The following LAIR1 variants were observed in gnomAD, a reference collection of about 807,000 sequenced individuals.
The protein encoded by LAIR1 is leukocyte associated immunoglobulin like receptor 1.
In LAIR1, 24 loss-of-function variants were observed where a neutral mutation model predicts 32.8. The observed-to-expected ratio is 0.73, with a 90% CI of 0.53 to 1.03. The LOEUF is 1.03. Ranked by LOEUF, LAIR1 falls within the 50% of genes least tolerant of loss-of-function variation. The pLI is 0.00. For synonymous variants in LAIR1, 150 were observed against 140.5 expected (o/e 1.07, Z -0.48); for missense variants, 355 against 347.5 (o/e 1.02, Z -0.17).
intron 2 of LAIR1, among the ~76,000 whole-genome samples, chr19:54,363,874 G>T (rs1272985085): frequency 1.3e-5 from 2 of 152,198 alleles, no homozygotes; most frequent in East Asian, 1.9e-4. Context: ...CAGATCTATG[G>T]CACAGCAGAA....
intron 4 of LAIR1, chr19:54,358,402 AT>A (rs1271482330): frequency 3.7e-5 from 8 of 215,952 alleles, no homozygotes; most frequent in East Asian, 1.5e-4. Flanking sequence ...TATATAATAT[AT>A]ATATATATTA....
chr19:54,373,930 C>A (rs777105649), upstream of LAIR1, among the ~76,000 whole-genome samples: 1 of 152,190 alleles, frequency 6.6e-6, no homozygotes, highest in Non-Finnish European at 1.5e-5. Flanking sequence ...TGTGCACTTG[C>A]AAAATTTGCT....
rs1039113809 is a variant in LAIR1 at position 54,355,692 on chromosome 19, C to T, written c.717+262G>A. On this transcript the variant is annotated intron_variant, in intron 9 of 9. Transcript: ENST00000391742. The surrounding 1 kb of genome is among the most constrained non-coding windows in gnomAD (Gnocchi z 4.7). ...TTGGATCCCTCCCTCTGGGGGAAGC[C>T]GGCTGTGTGGAGAGGCCCCTGTGAG... is the stretch of plus-strand genomic sequence containing the variant. Among the ~76,000 whole-genome samples the T allele has an allele frequency of 1.3e-5, 2 of 152,188 alleles. No individual in the cohort carries two copies. The highest frequency in any genetic ancestry group is 1.3e-4 in the Admixed American group (2 of 15,280).
At chr19:54,366,421 T>C (rs926269028), upstream of LAIR1, among the ~76,000 whole-genome samples, 4 of 152,202 alleles carry the variant, frequency 2.6e-5, no homozygotes, top group Non-Finnish European at 4.4e-5. Context: ...TGTTACGCCT[T>C]AGCAAACAAC....
chr19:54,367,974 T>G (rs1185029095), upstream of LAIR1, among the ~76,000 whole-genome samples: 3 of 150,950 alleles, frequency 2.0e-5, no homozygotes, highest in Admixed American at 6.6e-5. Context: ...GGGTTTCACC[T>G]TGTTAGCCAG....
At chr19:54,366,722 T>G (rs1024584359), upstream of LAIR1, among the ~76,000 whole-genome samples, 2 of 152,068 alleles carry the variant, frequency 1.3e-5, no homozygotes, top group African/African-American at 4.8e-5. Context: ...TCTCCTGACC[T>G]CGTGATCCAC....
intron 2 of LAIR1, among the ~76,000 whole-genome samples, chr19:54,362,371 A>G (rs1199033718): frequency 6.6e-6 from 1 of 152,130 alleles, no homozygotes; most frequent in Non-Finnish European, 1.5e-5. Context: ...CAATCTGTTT[A>G]AAGACGTTTT....
In LAIR1 at chr19:54,364,450, C is replaced by T. The variant is rs879830036; in HGVS notation, c.35-120G>A. Reference sequence around the variant, plus strand: ...AGCATTTCATAACGACCAAGCCAACCCTCCTCGACATCACTGTCTCCATGT... The same window carrying T: ...AGCATTTCATAACGACCAAGCCAACTCTCCTCGACATCACTGTCTCCATGT... On this transcript the variant is annotated intron_variant, in intron 1 of 9. Coordinates refer to ENST00000391742, the MANE Select transcript of LAIR1 (RefSeq NM_002287.6). This position sits in a 1 kb window ranked among gnomAD's most constrained non-coding sequence, Gnocchi z 4.8. The T allele has an allele frequency of 1.0e-6, 1 of 982,070 alleles. No homozygotes were observed. Among genetic ancestry groups the T allele is most frequent in the Non-Finnish European group, 1.6e-6 (1 of 621,574 alleles). The allele number at this position is 982,070 out of a possible 1,614,324, so 60.8% of individuals were successfully genotyped here. A position where few individuals can be genotyped will look rare whatever the true frequency, so the allele number is the denominator to read the frequency against.
upstream of LAIR1, among the ~76,000 whole-genome samples, chr19:54,366,046 C>T (rs1406075027): frequency 2.6e-5 from 4 of 152,218 alleles, no homozygotes; most frequent in Admixed American, 2.0e-4. Context: ...CATGATGTCA[C>T]TTACAGGAGA....
intron 1 of LAIR1, among the ~76,000 whole-genome samples, chr19:54,369,951 G>A (rs2122649987): frequency 6.7e-6 from 1 of 149,538 alleles, no homozygotes; most frequent in East Asian, 1.9e-4. Flanking sequence ...GGGAACTCAA[G>A]CTAAACCCCG....
At position 54,364,836 on chromosome 19, in the gene LAIR1, A is replaced by G; in HGVS notation, c.-32T>C. On this transcript the variant is annotated 5_prime_UTR_variant, in exon 1 of 10. Coordinates refer to ENST00000391742, the MANE Select transcript of LAIR1 (RefSeq NM_002287.6). The surrounding 1 kb of genome is among the most constrained non-coding windows in gnomAD (Gnocchi z 4.8). ...GGTCCCAGCAGTGCAGCCTGGCCTG[A>G]GGCGCACCAATGCAAGGACAGAACT... is the stretch of plus-strand genomic sequence containing the variant. 1 of 1,614,042 alleles carries G rather than the reference A, an allele frequency of 6.2e-7. No individual in the cohort carries two copies. The highest frequency in any genetic ancestry group is 8.5e-7 in the Non-Finnish European group (1 of 1,179,952).
At chr19:54,369,626 C>T (rs1363226434), upstream of LAIR1, among the ~76,000 whole-genome samples, 1 of 151,516 alleles carries the variant, frequency 6.6e-6, no homozygotes, top group Non-Finnish European at 1.5e-5. Flanking sequence ...CAGCATGGCA[C>T]AGCTCCCTCA....
chr19:54,366,482 G>A (rs1382367453), upstream of LAIR1, among the ~76,000 whole-genome samples: 3 of 152,016 alleles, frequency 2.0e-5, no homozygotes, highest in Admixed American at 6.6e-5. Flanking sequence ...GGTGTCTGGC[G>A]GAAGAAATTT....
upstream of LAIR1, among the ~76,000 whole-genome samples, chr19:54,365,803 A>T (rs1248813657): frequency 1.3e-5 from 2 of 151,752 alleles, no homozygotes; most frequent in Non-Finnish European, 2.9e-5. Context: ...AAAAATCAGT[A>T]TGTCAAAGAG....
At chr19:54,362,633 C>G (rs2082080695) in intron 2 of LAIR1, among the ~76,000 whole-genome samples, 1 of 152,160 alleles carries the variant, frequency 6.6e-6, no homozygotes, top group African/African-American at 2.4e-5. Context: ...TACAGGTGCA[C>G]TCCACCACGC....
At chr19:54,374,688 G>A (rs908803933), upstream of LAIR1, among the ~76,000 whole-genome samples, 9 of 152,130 alleles carry the variant, frequency 5.9e-5, no homozygotes, top group Non-Finnish European at 1.2e-4. Flanking sequence ...ATCAGGCCCA[G>A]AAGGCTCCCA....
upstream of LAIR1, among the ~76,000 whole-genome samples, chr19:54,371,529 C>T (rs984873630): frequency 1.3e-5 from 2 of 151,390 alleles, no homozygotes; most frequent in African/African-American, 2.5e-5. Context: ...GAACTCCTGC[C>T]CTCAGGTGAT....
At chr19:54,362,670 A>G (rs932684601) in intron 2 of LAIR1, among the ~76,000 whole-genome samples, 2 of 152,346 alleles carry the variant, frequency 1.3e-5, no homozygotes, top group South Asian at 4.1e-4. Flanking sequence ...TTTTTAGTAG[A>G]GACGGGGTTT....
upstream of LAIR1, among the ~76,000 whole-genome samples, chr19:54,367,482 G>A (rs922856318): frequency 6.6e-6 from 1 of 152,084 alleles, no homozygotes; most frequent in African/African-American, 2.4e-5. Context: ...AATGGCTCAC[G>A]CCTGTAATCT....
Sources: gnomAD v4.1 joint callset for allele counts (sites outside exome capture counted in the v4.1 genomes callset) on GRCh38, gnomAD v4.1.1 for gene constraint, Gnocchi (gnomAD v3.1) non-coding constraint, MANE v1.5 for transcripts, NCBI Gene and HGNC (gene_info 2026-07-23, HGNC 2026-07-21) for gene names.